The following MRC1 variants were observed in gnomAD, a reference collection of about 807,000 sequenced individuals.
MRC1 encodes mannose receptor C-type 1.
A neutral mutation model predicts 102.9 loss-of-function variants in MRC1; 62 were observed. That is an observed-to-expected ratio of 0.60 (90% CI 0.49 to 0.74). The LOEUF is 0.74. Among genes scored for constraint, MRC1 ranks in the 30% least tolerant of loss-of-function variants. The pLI is 0.00. For synonymous variants in MRC1, 457 were observed against 298.4 expected (o/e 1.53, Z -5.48); for missense variants, 1,237 against 862.8 (o/e 1.43, Z -5.43).
At chr10:17,843,125 A>G (rs1300624218) in intron 5 of MRC1, among the ~76,000 whole-genome samples, 1 of 152,260 alleles carries the variant, frequency 6.6e-6, no homozygotes, top group Non-Finnish European at 1.5e-5. Context: ...CATCAAAACC[A>G]CTAGTTGATG....
At chr10:17,880,198 A>G (rs1833494729) in intron 19 of MRC1, among the ~76,000 whole-genome samples, 1 of 152,322 alleles carries the variant, frequency 6.6e-6, no homozygotes, top group South Asian at 2.1e-4. Flanking sequence ...GAAATCATAC[A>G]TCTAAAATAC....
At chr10:17,827,404 A>ATC in intron 2 of MRC1, 138 bp from the exon 3 acceptor site, 1 of 294,016 alleles carries the variant, frequency 3.4e-6, no homozygotes, top group Non-Finnish European at 6.6e-6. Context: ...AAAAAAAAAA[A>ATC]AAAAAAGAAA....
At chr10:17,855,621 G>A (rs1487904572) in intron 8 of MRC1, among the ~76,000 whole-genome samples, 10 of 146,346 alleles carry the variant, frequency 6.8e-5, no homozygotes, top group East Asian at 2.0e-4. Context: ...AACCTCTTGC[G>A]AGCACCGTCA....
Position 17,898,010 on chromosome 10 carries a change from A to G in MRC1, c.3251-24A>G, listed in dbSNP as rs1384206060. 5.1e-6 allele frequency: 4 copies of G among 780,846 alleles called. No individual in the cohort carries two copies. The African/African-American group carries it at 6.7e-5, about 13-fold the overall frequency. 48.4% of individuals were successfully genotyped at this position (780,846 alleles called of 1,614,324 possible). On this transcript the variant is annotated intron_variant, in intron 23 of 29. Coordinates refer to ENST00000569591, the MANE Select transcript of MRC1 (RefSeq NM_002438.4). ...TCAATTACTGTTTATTGATAATGCT[A>G]ATGAAAATAATGTTTTTATCTAGAC...
At chr10:17,883,575 C>T (rs1357235262) in intron 21 of MRC1, among the ~76,000 whole-genome samples, 2 of 151,906 alleles carry the variant, frequency 1.3e-5, no homozygotes, top group African/African-American at 2.4e-5. Context: ...AATGGAATTG[C>T]TTGAAATTTT....
rs569562312 is a variant in MRC1 at position 17,817,967 on chromosome 10, C to T, written c.62-5107C>T. Among the ~76,000 whole-genome samples the T allele has an allele frequency of 1.2e-4, 18 of 152,164 alleles. No homozygotes were observed. In the South Asian group the frequency reaches 1.2e-3, roughly 11 times the overall value. ...ATTACTTGGGGAGAAGAATAATGCA[C>T]GATGAATGTATCACCATAGAGCAAT... On this transcript the variant is annotated intron_variant, in intron 1 of 29. Coordinates refer to ENST00000569591, the MANE Select transcript of MRC1 (RefSeq NM_002438.4).
At chr10:17,865,640 C>T (rs1167193649) in intron 11 of MRC1, among the ~76,000 whole-genome samples, 1 of 152,296 alleles carries the variant, frequency 6.6e-6, no homozygotes, top group South Asian at 2.1e-4. Context: ...CGGGCCTGAG[C>T]ATCAGGTCAA....
Position 17,856,345 on chromosome 10 carries a change from G to T in MRC1, c.1511G>T (p.Cys504Phe). ...GPEIVEVEKG[C>F]RKGWKKHHFY... ...GAAATAGTGGAAGTCGAAAAAGGCT[G>T]CAGGAAAGTGAGTGCACCATGCCCA... Residue 504 changes from cysteine to phenylalanine, a missense_variant, in exon 9 of 30, where the codon TGC becomes TTC. Cys to Phe is a radical substitution (Grantham distance 205). Coordinates refer to ENST00000569591, the MANE Select transcript of MRC1 (RefSeq NM_002438.4). The T allele has an allele frequency of 1.2e-6, 1 of 850,678 alleles. No homozygotes were observed. Among genetic ancestry groups the T allele is most frequent in the Non-Finnish European group, 2.0e-6 (1 of 490,506 alleles). The allele number at this position is 850,678 out of a possible 1,614,324, so 52.7% of individuals were successfully genotyped here. A position where few individuals can be genotyped will look rare whatever the true frequency, so the allele number is the denominator to read the frequency against.
At chr10:17,876,025 A>T (rs1461506334) in intron 17 of MRC1, among the ~76,000 whole-genome samples, 2 of 152,148 alleles carry the variant, frequency 1.3e-5, no homozygotes, top group Admixed American at 1.3e-4. Flanking sequence ...TGTGATGTTG[A>T]GCATTTTTTC....
intron 11 of MRC1, 94 bp from the exon 12 acceptor site, chr10:17,866,468 A>G: frequency 1.3e-6 from 1 of 779,480 alleles, no homozygotes; most frequent in Non-Finnish European, 2.4e-6. Flanking sequence ...TGGGCATCAG[A>G]ACCCTGATGC....
intron 2 of MRC1, among the ~76,000 whole-genome samples, chr10:17,824,618 A>G (rs1838445834): frequency 6.6e-6 from 1 of 152,154 alleles, no homozygotes; most frequent in Non-Finnish European, 1.5e-5. Context: ...TAGAAGTGAT[A>G]TGAGGGGCAA....
intron 12 of MRC1, among the ~76,000 whole-genome samples, chr10:17,869,542 G>C (rs1458926924): frequency 6.6e-6 from 1 of 152,124 alleles, no homozygotes; most frequent in Non-Finnish European, 1.5e-5. Context: ...CATACTGGTG[G>C]GTGTGTCCCA....
rs1263991873 is a variant in MRC1, at chr10:17,870,832, G to C, written c.2112-16G>C. The C allele has an allele frequency of 8.0e-6, 7 of 872,084 alleles. No homozygotes were observed. The highest frequency in any genetic ancestry group is 1.4e-5 in the Non-Finnish European group (7 of 501,110). The allele number at this position is 872,084 out of a possible 1,614,324, so 54.0% of individuals were successfully genotyped here. On this transcript the variant is annotated splice_polypyrimidine_tract_variant and intron_variant, in intron 13 of 29. Coordinates refer to ENST00000569591, the MANE Select transcript of MRC1 (RefSeq NM_002438.4). ...ATGCAATAGCATATGCTTTCTTTAT[G>C]TTTTGGATTTCATAGAGCTAGTGGA...
At chr10:17,865,050 T>G (rs974781223) in intron 11 of MRC1, among the ~76,000 whole-genome samples, 6,171 of 152,230 alleles carry the variant, frequency 0.041, 385 homozygotes, top group African/African-American at 0.13. Context: ...CTTTGACTTT[T>G]TATACAGTGA....
intron 8 of MRC1, among the ~76,000 whole-genome samples, chr10:17,854,283 G>C: frequency 6.6e-6 from 1 of 152,126 alleles, no homozygotes; most frequent in East Asian, 1.9e-4. Flanking sequence ...TGCATGTGTG[G>C]TACACAGTTC....
At chr10:17,817,774 G>C (rs1460487282) in intron 1 of MRC1, among the ~76,000 whole-genome samples, 1 of 152,072 alleles carries the variant, frequency 6.6e-6, no homozygotes, top group Non-Finnish European at 1.5e-5. Context: ...AAACATAATT[G>C]GTATGGACAA....
chr10:17,889,768 C>T (rs1416434328), intron 22 of MRC1, among the ~76,000 whole-genome samples: 2 of 152,172 alleles, frequency 1.3e-5, no homozygotes, highest in African/African-American at 4.8e-5. Flanking sequence ...AAATACATTG[C>T]TGTCCACTTT....
At chr10:17,881,419 A>C (rs961436597) in intron 21 of MRC1, among the ~76,000 whole-genome samples, 116 of 152,284 alleles carry the variant, frequency 7.6e-4, no homozygotes, top group African/African-American at 2.7e-3. Flanking sequence ...CCATTTTGTG[A>C]GTGGAGAAAT....
intron 22 of MRC1, among the ~76,000 whole-genome samples, chr10:17,888,173 G>A (rs2130701736): frequency 6.6e-6 from 1 of 152,286 alleles, no homozygotes; most frequent in South Asian, 2.1e-4. Context: ...AAAGAGAATG[G>A]GAGAGAACTT....
Sources: gnomAD v4.1 joint callset for allele counts (sites outside exome capture counted in the v4.1 genomes callset) on GRCh38, gnomAD v4.1.1 for gene constraint, MANE v1.5 for transcripts, NCBI Gene and HGNC (gene_info 2026-07-23, HGNC 2026-07-21) for gene names.